Variants in WWOX observed in about 807,000 individuals in gnomAD.
WWOX encodes WW domain containing oxidoreductase.
In WWOX, 69 loss-of-function variants were observed where a neutral mutation model predicts 46.2. The ratio of observed to expected loss-of-function variants is 1.49; its 90% CI spans 1.23 to 1.82. WWOX has a LOEUF of 1.82. WWOX is among the 40% of genes most tolerant of loss of function. WWOX has a pLI of 0.00. For missense variants in WWOX, 919 were observed against 542.6 expected, an observed-to-expected ratio of 1.69 and a Z score of -6.89; for synonymous variants, 359 against 202.6, an observed-to-expected ratio of 1.77 and a Z score of -6.56.
chr16:79,146,725 G>A (rs764192265), intron 8 of WWOX, among the ~76,000 whole-genome samples: 1 of 152,156 alleles, frequency 6.6e-6, no homozygotes, highest in Non-Finnish European at 1.5e-5. Flanking sequence ...GAATTAGGTG[G>A]TCAGAAAGGT....
chr16:78,108,033 A>T (rs1217139033), intron 1 of WWOX, among the ~76,000 whole-genome samples: 1 of 151,522 alleles, frequency 6.6e-6, no homozygotes, highest in African/African-American at 2.4e-5. Context: ...GGCTCAAGCG[A>T]TTCTCCTGCC....
intron 8 of WWOX, among the ~76,000 whole-genome samples, chr16:78,832,251 T>C (rs1186979057): frequency 1.3e-5 from 2 of 152,248 alleles, no homozygotes; most frequent in African/African-American, 4.8e-5. Flanking sequence ...TTCTTCACCA[T>C]GGGGGCCTCT....
rs187681830 is a variant in WWOX, at chr16:78,734,919, G to A, written c.1056+302167G>A. ...CTGGCTCTGTTGGCTAGGCTGGAGT[G>A]CAGTGACGCAATCTCAGCTCACTAC... On this transcript the variant is annotated intron_variant, in intron 8 of 8. Transcript: ENST00000566780. Among the ~76,000 whole-genome samples the A allele has an allele frequency of 5.2e-4, 65 of 124,744 alleles. 1 individual carries two copies. Among genetic ancestry groups the A allele is most frequent in the African/African-American group, 1.9e-3 (61 of 31,302 alleles). 81.8% of individuals were successfully genotyped at this position (124,744 alleles called of 152,430 possible).
At chr16:78,676,757 T>G (rs955034942) in intron 8 of WWOX, among the ~76,000 whole-genome samples, 2 of 152,242 alleles carry the variant, frequency 1.3e-5, no homozygotes, top group African/African-American at 4.8e-5. Context: ...AAGTCTTCTT[T>G]TATTGAAATA....
intron 5 of WWOX, among the ~76,000 whole-genome samples, chr16:78,368,966 C>G (rs889268901): frequency 6.6e-6 from 1 of 152,282 alleles, no homozygotes; most frequent in South Asian, 2.1e-4. Context: ...TCCTGTCTGC[C>G]TTTCTCTGCA....
intron 4 of WWOX, chr16:78,124,396 C>G (rs181217739): frequency 6.6e-6 from 1 of 152,240 alleles, no homozygotes; most frequent in East Asian, 1.9e-4. Flanking sequence ...TTGAAACCCC[C>G]TTGACCGTTG....
intron 8 of WWOX, among the ~76,000 whole-genome samples, chr16:78,580,681 A>G (rs1259359221): frequency 2.0e-5 from 3 of 152,234 alleles, no homozygotes; most frequent in Non-Finnish European, 2.9e-5. Flanking sequence ...TGCAGAGTAT[A>G]TGAAAAATTT....
intron 8 of WWOX, among the ~76,000 whole-genome samples, chr16:78,770,365 T>A (rs939479049): frequency 1.6e-4 from 24 of 149,086 alleles, no homozygotes; most frequent in South Asian, 6.5e-4. Flanking sequence ...AAAAAAAAAA[T>A]TTAACTCTAA....
chr16:78,683,841 A>T (rs1363147492), intron 8 of WWOX, among the ~76,000 whole-genome samples: 1 of 152,282 alleles, frequency 6.6e-6, no homozygotes, highest in South Asian at 2.1e-4. Context: ...CTGAGTGTTT[A>T]ATTCGGCGTC....
chr16:78,956,236 C>T (rs185541762), intron 8 of WWOX, among the ~76,000 whole-genome samples: 2 of 152,204 alleles, frequency 1.3e-5, no homozygotes, highest in East Asian at 1.9e-4. Flanking sequence ...GCCTTGACCT[C>T]GAGGGCTCAA....
intron 8 of WWOX, chr16:78,551,732 C>T (rs2044178209): frequency 6.6e-6 from 1 of 151,994 alleles, no homozygotes; most frequent in Non-Finnish European, 1.5e-5. Context: ...ATGAAGCATC[C>T]TGAAAAAGCA....
chr16:78,499,492 G>T (rs565522932), intron 8 of WWOX, among the ~76,000 whole-genome samples: 1 of 152,162 alleles, frequency 6.6e-6, no homozygotes, highest in Non-Finnish European at 1.5e-5. Flanking sequence ...GAGATTTTCC[G>T]TTCTTTGGCA....
At chr16:79,023,904 C>T in intron 8 of WWOX, among the ~76,000 whole-genome samples, 1 of 151,934 alleles carries the variant, frequency 6.6e-6, no homozygotes, top group Admixed American at 6.6e-5. Context: ...TGCAGTGAGA[C>T]AAGATTGTGC....
chr16:78,362,935 A>G (rs2081442639), intron 5 of WWOX, among the ~76,000 whole-genome samples: 3 of 152,208 alleles, frequency 2.0e-5, no homozygotes, highest in African/African-American at 7.2e-5. Flanking sequence ...AGATGGTTGC[A>G]TGGGACAGTG....
At chr16:79,207,269 T>C (rs1192153293) in intron 8 of WWOX, among the ~76,000 whole-genome samples, 1 of 152,250 alleles carries the variant, frequency 6.6e-6, no homozygotes, top group Admixed American at 6.5e-5. Context: ...GAGAAGTATT[T>C]GCTTTGTCCA....
intron 8 of WWOX, among the ~76,000 whole-genome samples, chr16:78,770,222 G>T (rs1335728049): frequency 6.6e-6 from 1 of 152,004 alleles, no homozygotes; most frequent in Non-Finnish European, 1.5e-5. Flanking sequence ...TTGGTGGTGT[G>T]CTCCTGTAGT....
At chr16:78,573,455 G>C (rs2044769366) in intron 8 of WWOX, among the ~76,000 whole-genome samples, 1 of 152,152 alleles carries the variant, frequency 6.6e-6, no homozygotes, top group Non-Finnish European at 1.5e-5. Context: ...CCTGTGATTT[G>C]AATTTTCCAT....
intron 1 of WWOX, among the ~76,000 whole-genome samples, chr16:78,104,977 G>C (rs943095653): frequency 2.6e-5 from 4 of 152,178 alleles, no homozygotes; most frequent in Non-Finnish European, 5.9e-5. Context: ...TTGGCAGTTG[G>C]GCTTCAGAAT....
At chr16:78,862,141 C>G (rs1021567497) in intron 8 of WWOX, among the ~76,000 whole-genome samples, 1 of 151,872 alleles carries the variant, frequency 6.6e-6, no homozygotes, top group African/African-American at 2.4e-5. Context: ...TATATCTATA[C>G]ACACCTATGG....
Sources: gnomAD v4.1 joint callset for allele counts (sites outside exome capture counted in the v4.1 genomes callset) on GRCh38, gnomAD v4.1.1 for gene constraint, MANE v1.5 for transcripts, NCBI Gene and HGNC (gene_info 2026-07-23, HGNC 2026-07-21) for gene names.